The following GNPTAB variants were observed in gnomAD, a reference collection of about 807,000 sequenced individuals.
GNPTAB encodes the protein N-acetylglucosamine-1-phosphotransferase subunits alpha/beta.
GNPTAB carries 92 observed loss-of-function variants against 136.6 expected under a neutral mutation model. That is an observed-to-expected ratio of 0.67 (90% CI 0.57 to 0.80). GNPTAB has a LOEUF of 0.80. Among genes scored for constraint, GNPTAB ranks in the 30% least tolerant of loss-of-function variants. The pLI, the probability that GNPTAB is intolerant of heterozygous loss-of-function variation, is 0.00. For synonymous variants in GNPTAB, 512 were observed against 535.1 expected (o/e 0.96, Z 0.60); for missense variants, 1,343 against 1,501.8 (o/e 0.89, Z 1.75).
intron 1 of GNPTAB, among the ~76,000 whole-genome samples, chr12:101,824,432 A>ATATATATATATATATAT (rs1188582277): frequency 2.4e-4 from 12 of 50,872 alleles, no homozygotes; most frequent in South Asian, 6.8e-4. Context: ...ATATATATAT[A>ATATATATATATATATAT]TTTTCTTTTT....
chr12:101,751,153 C>A (rs766357346), intron 19 of GNPTAB, among the ~76,000 whole-genome samples: 9 of 152,218 alleles, frequency 5.9e-5, no homozygotes, highest in Non-Finnish European at 1.0e-4. Context: ...CAGCCTTTCA[C>A]AATCTTTTTT....
chr12:101,783,057 A>T (rs961922982), intron 5 of GNPTAB, among the ~76,000 whole-genome samples: 1 of 141,738 alleles, frequency 7.1e-6, no homozygotes, highest in Non-Finnish European at 1.5e-5. Flanking sequence ...TTTCTAAAGC[A>T]TTATCTTCTA....
rs137852896 is a variant in GNPTAB, at chr12:101,789,951, G to A, written c.310C>T (p.Gln104Ter). The stretch of plus-strand genomic sequence containing the variant: ...AATCAGTTTTACCTCATTGCTTTCT[G>A]CTCCTCCTCCATCTGTTCTCTGACC... ...QQVREQMEEE[Q>*]KAMREILGKN... is the part of the protein sequence containing the mutation. Residue 104 changes from glutamine (Q) to a stop codon, truncating the protein, a stop_gained, in exon 3 of 21, where the codon CAG becomes TAG. Coordinates refer to ENST00000299314, the MANE Select transcript of GNPTAB (RefSeq NM_024312.5). LOFTEE classifies it high-confidence loss of function. The A allele has an allele frequency of 3.1e-6, 5 of 1,613,756 alleles. No homozygotes were observed. In the East Asian group the frequency reaches 1.1e-4, roughly 36 times the overall value.
chr12:101,818,088 C>T (rs1019432204), intron 1 of GNPTAB, among the ~76,000 whole-genome samples: 8 of 152,236 alleles, frequency 5.3e-5, no homozygotes, highest in African/African-American at 1.7e-4. Flanking sequence ...TCCAAAGATG[C>T]TGCAGCCCTT....
intron 13 of GNPTAB, 103 bp downstream of exon 13, chr12:101,764,099 C>T (rs1953045134): frequency 2.1e-6 from 3 of 1,444,432 alleles, no homozygotes; most frequent in Admixed American, 3.9e-5. Context: ...AGTTCCATGG[C>T]CGGCACAGGG....
rs76021817 is a variant in GNPTAB at position 101,749,091 on chromosome 12, T to A, written c.3693+10A>T. 21,510 of 1,497,672 alleles carry A rather than the reference T, an allele frequency of 0.014. 235 individuals are homozygous for A. Among genetic ancestry groups the A allele is most frequent in the African/African-American group, 0.04 (2,876 of 72,184 alleles). The allele number at this position is 1,497,672 out of a possible 1,614,324, so 92.8% of individuals were successfully genotyped here. ...CCATTTAATACCCACATAAAATATA[T>A]AAAACTTACCTGCTCAGCAAAAAAT... is the stretch of plus-strand genomic sequence containing the variant. On this transcript the variant is annotated intron_variant, in intron 20 of 20. Transcript: ENST00000299314.
At position 101,746,989 on chromosome 12, in the gene GNPTAB, G is replaced by A; in HGVS notation, c.*175C>T. On this transcript the variant is annotated 3_prime_UTR_variant, in exon 21 of 21. Transcript: ENST00000299314. ...TCAACACACAAGTTTTCAGTGGGTT[G>A]GTTAAATAATTCCTGGTCAGTGGGC... 1 of 618,260 alleles carries A rather than the reference G, an allele frequency of 1.6e-6. No individual in the cohort carries two copies. The highest frequency in any genetic ancestry group is 2.9e-6 in the Non-Finnish European group (1 of 341,086). 38.3% of individuals were successfully genotyped at this position (618,260 alleles called of 1,614,324 possible).
chr12:101,796,298 G>A (rs1197098905), intron 2 of GNPTAB: 2 of 702,222 alleles, frequency 2.8e-6, no homozygotes, highest in Non-Finnish European at 5.2e-6. Context: ...GCAATTTAAG[G>A]TACCCAATAA....
chr12:101,826,950 GTTTTTTTTTTTTTT>G (rs902178707), intron 1 of GNPTAB, among the ~76,000 whole-genome samples: 2 of 62,350 alleles, frequency 3.2e-5, no homozygotes, highest in Non-Finnish European at 6.0e-5. Context: ...TGTGGGAGTT[GTTTTTTTTTTTTTT>G]TTTTTTTTTT....
At chr12:101,759,914 A>T in intron 16 of GNPTAB, 116 bp downstream of exon 16, 1 of 735,170 alleles carries the variant, frequency 1.4e-6, no homozygotes, top group Non-Finnish European at 2.5e-6. Context: ...TGCAACAAAG[A>T]CATATAAAAC....
intron 4 of GNPTAB, among the ~76,000 whole-genome samples, chr12:101,787,597 A>G (rs964667119): frequency 6.6e-6 from 1 of 152,180 alleles, no homozygotes; most frequent in African/African-American, 2.4e-5. Flanking sequence ...AAAGCTATAT[A>G]ATTAACATAA....
intron 12 of GNPTAB, 44 bp downstream of exon 12, chr12:101,766,047 G>C: frequency 1.3e-6 from 2 of 1,505,378 alleles, no homozygotes; most frequent in Non-Finnish European, 1.8e-6. Context: ...ACCTGTCAAG[G>C]ATGTTTTATG....
At position 101,747,126 on chromosome 12, in the gene GNPTAB, G is replaced by A. The variant is rs368459751; in HGVS notation, c.*38C>T. The A allele has an allele frequency of 6.0e-6, 7 of 1,164,430 alleles. No homozygotes were observed. The highest frequency in any genetic ancestry group is 7.8e-6 in the Non-Finnish European group (6 of 769,396). The allele number at this position is 1,164,430 out of a possible 1,614,324, so 72.1% of individuals were successfully genotyped here. ...GTGAAGCTGAGTTTTAAAATGCTCA[G>A]TAAATGCTGAGGTAGATGGTTTTCA... On this transcript the variant is annotated 3_prime_UTR_variant, in exon 21 of 21. Transcript: ENST00000299314.
chr12:101,805,118 T>C (rs1011585474), intron 1 of GNPTAB, among the ~76,000 whole-genome samples: 1 of 152,192 alleles, frequency 6.6e-6, no homozygotes, highest in Non-Finnish European at 1.5e-5. Context: ...ATGGTTTAAC[T>C]TGGTATATAC....
intron 7 of GNPTAB, chr12:101,779,463 GA>G: frequency 6.5e-6 from 1 of 153,396 alleles, no homozygotes; most frequent in Non-Finnish European, 1.5e-5. Flanking sequence ...ACATGTTAAG[GA>G]AAAGGCACGT....
rs758054970 is a variant in GNPTAB at position 101,757,552 on chromosome 12, A to C, written c.3335+20T>G. ...GATTACTCTTATACTAAACAAAGGGAGTATGCGTGTACTACTTACCTATAT... is the reference window on the plus strand; with the variant it reads ...GATTACTCTTATACTAAACAAAGGGCGTATGCGTGTACTACTTACCTATAT... On this transcript the variant is annotated intron_variant, in intron 17 of 20. Coordinates refer to ENST00000299314, the MANE Select transcript of GNPTAB (RefSeq NM_024312.5). The C allele has an allele frequency of 2.7e-6, 3 of 1,115,504 alleles. No individual in the cohort carries two copies. Among genetic ancestry groups the C allele is most frequent in the Non-Finnish European group, 2.8e-6 (2 of 725,480 alleles). The allele number at this position is 1,115,504 out of a possible 1,614,324, so 69.1% of individuals were successfully genotyped here. A position where few individuals can be genotyped will look rare whatever the true frequency, so the allele number is the denominator to read the frequency against.
intron 10 of GNPTAB, 148 bp from the exon 11 acceptor site, chr12:101,768,308 T>A: frequency 1.2e-6 from 1 of 809,986 alleles, no homozygotes; most frequent in Non-Finnish European, 2.0e-6. Flanking sequence ...ACAAGTGCTT[T>A]AAGTTTGCCT....
intron 18 of GNPTAB, among the ~76,000 whole-genome samples, chr12:101,754,920 TA>T (rs1952879506): frequency 1.3e-5 from 2 of 151,854 alleles, no homozygotes; most frequent in African/African-American, 2.4e-5. Flanking sequence ...ATTATACGGT[TA>T]AAAAAAGAGA....
At chr12:101,758,329 G>A (rs113982283) in intron 16 of GNPTAB, among the ~76,000 whole-genome samples, 278 of 152,204 alleles carry the variant, frequency 1.8e-3, no homozygotes, top group African/African-American at 6.5e-3. Flanking sequence ...ATGAGCCATC[G>A]CACCCGGCCA....
Sources: allele counts gnomAD v4.1 joint callset (sites outside exome capture counted in the v4.1 genomes callset), GRCh38; gene constraint gnomAD v4.1.1; transcripts MANE v1.5; gene names NCBI Gene and HGNC (gene_info 2026-07-23, HGNC 2026-07-21).